The following DOCK3 variants were observed in gnomAD, a reference collection of about 807,000 sequenced individuals.
The protein encoded by DOCK3 is dedicator of cytokinesis protein 3.
A neutral mutation model predicts 265.6 loss-of-function variants in DOCK3; 60 were observed. That is an observed-to-expected ratio of 0.23 (90% CI 0.18 to 0.28). DOCK3 has a LOEUF of 0.28. DOCK3 is among the 10% of genes least tolerant of loss of function. The pLI, the probability that DOCK3 is intolerant of heterozygous loss-of-function variation, is 1.00. For synonymous variants in DOCK3, 881 were observed against 938.0 expected, an observed-to-expected ratio of 0.94 and a Z score of 1.11; for missense variants, 1,981 against 2,594.3, an observed-to-expected ratio of 0.76 and a Z score of 5.14.
At chr3:51,251,874 C>T (rs542800763) in intron 22 of DOCK3, among the ~76,000 whole-genome samples, 2 of 152,304 alleles carry the variant, frequency 1.3e-5, no homozygotes, top group African/African-American at 4.8e-5. Flanking sequence ...AATTAGATCC[C>T]ATTGGTCAAT....
chr3:51,041,249 G>C (rs1250564693), intron 5 of DOCK3, among the ~76,000 whole-genome samples: 1 of 95,904 alleles, frequency 1.0e-5, no homozygotes, highest in African/African-American at 4.1e-5. Flanking sequence ...ACAGAGTTTC[G>C]CTCTGTCGCC....
chr3:51,348,796 G>C, intron 38 of DOCK3, 56 bp from the exon 39 acceptor site: 1 of 1,511,972 alleles, frequency 6.6e-7, no homozygotes, highest in South Asian at 1.2e-5. Context: ...GTTTAATGTG[G>C]GCTTAGGCTA....
intron 2 of DOCK3, among the ~76,000 whole-genome samples, chr3:50,838,320 C>T (rs1029243948): frequency 1.4e-4 from 21 of 152,172 alleles, no homozygotes; most frequent in African/African-American, 2.7e-4. Context: ...TAAAGTTAGA[C>T]GTAAGTCTTT....
rs1364388689 is a variant in DOCK3, at chr3:51,374,545, A to G, written c.5370A>G (p.Pro1790=). ...TGCTGCCCACATACCGGGACCGCCC[A>G]AGCAGTGCCATGTATCCAGCAGCCA... ...MLLLPTYRDR[P]SSAMYPAAIL... Residue 1790 remains proline, a synonymous_variant, in exon 50 of 53, where the codon CCA becomes CCG. Coordinates refer to ENST00000266037, the MANE Select transcript of DOCK3 (RefSeq NM_004947.5). This position sits in a 1 kb window ranked among gnomAD's most constrained non-coding sequence, Gnocchi z 4.8. 16 of 1,613,674 alleles carry G rather than the reference A, an allele frequency of 9.9e-6. No individual in the cohort carries two copies. The Admixed American group carries it at 2.3e-4, about 24-fold the overall frequency.
chr3:51,277,086 A>G (rs2080856571), intron 25 of DOCK3, among the ~76,000 whole-genome samples: 1 of 152,150 alleles, frequency 6.6e-6, no homozygotes, highest in Non-Finnish European at 1.5e-5. Context: ...CCGGCTGGCA[A>G]AAATTGAGGG....
intron 1 of DOCK3, among the ~76,000 whole-genome samples, chr3:50,736,085 G>C (rs1421893264): frequency 6.6e-6 from 1 of 152,124 alleles, no homozygotes; most frequent in Non-Finnish European, 1.5e-5. Flanking sequence ...GGTGTGTGAT[G>C]TTCCCTTTCC....
At position 51,227,995 on chromosome 3, in the gene DOCK3, G is replaced by A. The variant is rs772009590; in HGVS notation, c.1554G>A (p.Gly518=). ...EFRHCSTKDK[G]EKKLFGFAFS... ...CTCTGATTACAGCAAAGGACAAAGGGGAAAAGAAACTCTTTGGCTTTGCAT... is the reference window on the plus strand; with the variant it reads ...CTCTGATTACAGCAAAGGACAAAGGAGAAAAGAAACTCTTTGGCTTTGCAT... The change falls in exon 17 of 53, where the codon GGG becomes GGA. Residue 518 remains glycine (G), a synonymous_variant. Coordinates refer to ENST00000266037, the MANE Select transcript of DOCK3 (RefSeq NM_004947.5). 3.7e-5 allele frequency: 59 copies of A among 1,613,880 alleles called. No individual in the cohort carries two copies. Among genetic ancestry groups the A allele is most frequent in the Non-Finnish European group, 4.8e-5 (57 of 1,179,892 alleles).
At position 50,864,951 on chromosome 3, in the gene DOCK3, A is replaced by AT. The variant is rs549864933; in HGVS notation, c.162+23246dup. 1.4e-3 allele frequency among the ~76,000 whole-genome samples: 202 copies of AT among 142,126 alleles called. 4 individuals carry two copies. The South Asian group carries it at 0.032, about 22-fold the overall frequency. The allele number at this position is 142,126 out of a possible 152,430, so 93.2% of individuals were successfully genotyped here. A position where few individuals can be genotyped will look rare whatever the true frequency, so the allele number is the denominator to read the frequency against. ...TTTGTGGTTCCACATACATTTTAGG[A>AT]TTTTTTTTTTCCTTTCTGTGAGGAG... On this transcript the variant is annotated intron_variant, in intron 3 of 52. Transcript: ENST00000266037.
At chr3:51,338,726 A>T (rs2085031656) in intron 36 of DOCK3, among the ~76,000 whole-genome samples, 1 of 151,998 alleles carries the variant, frequency 6.6e-6, no homozygotes, top group Admixed American at 6.5e-5. Flanking sequence ...TTTTCCTCTT[A>T]ACACTACCCA....
chr3:51,379,759 G>A (rs1041853491), intron 51 of DOCK3, among the ~76,000 whole-genome samples: 3 of 152,234 alleles, frequency 2.0e-5, no homozygotes, highest in African/African-American at 7.2e-5. Context: ...GAGTACAGCA[G>A]GTTAGCTCAG....
At chr3:51,309,398 C>G (rs1375154364) in intron 27 of DOCK3, among the ~76,000 whole-genome samples, 1 of 151,928 alleles carries the variant, frequency 6.6e-6, no homozygotes, top group Non-Finnish European at 1.5e-5. Flanking sequence ...CCCGGCCAAC[C>G]CAGCGAAACC....
chr3:50,985,866 C>T (rs935423132), intron 5 of DOCK3, among the ~76,000 whole-genome samples: 53 of 151,512 alleles, frequency 3.5e-4, no homozygotes, highest in African/African-American at 1.2e-3. Context: ...TTAATAAACC[C>T]GGGATGTATT....
At chr3:51,113,642 C>T (rs754009319) in intron 9 of DOCK3, among the ~76,000 whole-genome samples, 2 of 152,134 alleles carry the variant, frequency 1.3e-5, no homozygotes, top group African/African-American at 2.4e-5. Flanking sequence ...ACTGGACTCA[C>T]ATAGATGTCT....
intron 6 of DOCK3, among the ~76,000 whole-genome samples, chr3:51,071,857 C>A (rs1164234232): frequency 6.6e-6 from 1 of 152,118 alleles, no homozygotes; most frequent in Non-Finnish European, 1.5e-5. Context: ...TTGTAGTGAA[C>A]ATGTATTGGT....
At chr3:51,264,498 A>T (rs1293461764) in intron 23 of DOCK3, among the ~76,000 whole-genome samples, 2 of 152,154 alleles carry the variant, frequency 1.3e-5, no homozygotes, top group Non-Finnish European at 2.9e-5. Context: ...AGAACTAGAG[A>T]AGCAAGAGCA....
chr3:50,740,531 T>G (rs2038948389), intron 1 of DOCK3, among the ~76,000 whole-genome samples: 1 of 152,318 alleles, frequency 6.6e-6, no homozygotes, highest in South Asian at 2.1e-4. Context: ...TACTAACATT[T>G]GGTATGGCCA....
At chr3:50,959,477 A>G (rs746910909) in intron 5 of DOCK3, among the ~76,000 whole-genome samples, 1 of 150,122 alleles carries the variant, frequency 6.7e-6, no homozygotes, top group Non-Finnish European at 1.5e-5. Context: ...TCTACCTTTG[A>G]CCTGCATCTT....
chr3:51,157,980 T>C (rs1042810771), intron 10 of DOCK3, among the ~76,000 whole-genome samples: 1 of 151,380 alleles, frequency 6.6e-6, no homozygotes, highest in Non-Finnish European at 1.5e-5. Flanking sequence ...GACAGGCATC[T>C]GGGGTCAATC....
chr3:50,719,905 C>T lies in DOCK3; in HGVS notation c.37+44605C>T, dbSNP rs561183254. ...CTGTTTTTGAAACTTTGTCTGCTAACAGCTTGAAGGAGATGCAGCCCAAGG... is the reference window on the plus strand; with the variant it reads ...CTGTTTTTGAAACTTTGTCTGCTAATAGCTTGAAGGAGATGCAGCCCAAGG... On this transcript the variant is annotated intron_variant, in intron 1 of 52. Transcript: ENST00000266037. 2.7e-4 allele frequency: 164 copies of T among 606,620 alleles called. 3 individuals carry two copies. The highest frequency in any genetic ancestry group is 2.7e-3 in the South Asian group (162 of 60,136). The allele number at this position is 606,620 out of a possible 1,614,324, so 37.6% of individuals were successfully genotyped here. A position where few individuals can be genotyped will look rare whatever the true frequency, so the allele number is the denominator to read the frequency against.
Sources: gnomAD v4.1 joint callset for allele counts (sites outside exome capture counted in the v4.1 genomes callset) on GRCh38, gnomAD v4.1.1 for gene constraint, Gnocchi (gnomAD v3.1) non-coding constraint, MANE v1.5 for transcripts, NCBI Gene and HGNC (gene_info 2026-07-23, HGNC 2026-07-21) for gene names.